CAPZA1: variants seen among roughly 807,000 people sequenced by gnomAD.
The protein encoded by CAPZA1 is F-actin-capping protein subunit alpha-1.
Under a neutral mutation model 40.8 loss-of-function variants are expected in CAPZA1, and 10 were observed. The observed-to-expected ratio is 0.25, with a 90% confidence interval of 0.15 to 0.42. CAPZA1 has a LOEUF of 0.42. CAPZA1 is among the 10% of genes least tolerant of loss of function. CAPZA1 has a pLI of 1.00. For synonymous variants in CAPZA1, 98 were observed against 115.0 expected, an observed-to-expected ratio of 0.85 and a Z score of 0.95; for missense variants, 277 against 353.8, an observed-to-expected ratio of 0.78 and a Z score of 1.74.
At chr1:112,642,804 T>C (rs1671198987) in intron 1 of CAPZA1, among the ~76,000 whole-genome samples, 1 of 152,208 alleles carries the variant, frequency 6.6e-6, no homozygotes, top group Admixed American at 6.5e-5. Context: ...TTTTGAAAAT[T>C]TGGGTGGGAC....
At chr1:112,669,891 C>G in intron 9 of CAPZA1, 101 bp from the exon 10 acceptor site, 5 of 1,288,978 alleles carry the variant, frequency 3.9e-6, no homozygotes, top group Non-Finnish European at 5.5e-6. Flanking sequence ...GTCTATCCTT[C>G]ACAGGGGACT....
chr1:112,624,360 G>A (rs1323046841), intron 1 of CAPZA1, among the ~76,000 whole-genome samples: 3 of 152,120 alleles, frequency 2.0e-5, no homozygotes, highest in Admixed American at 1.3e-4. Flanking sequence ...CGTAATCCCA[G>A]TACTTTGGGA....
At chr1:112,652,620 G>A (rs1441429604) in intron 3 of CAPZA1, among the ~76,000 whole-genome samples, 2 of 151,954 alleles carry the variant, frequency 1.3e-5, no homozygotes, top group Admixed American at 1.3e-4. Context: ...TGATGGTTGA[G>A]TTTTCACATG....
chr1:112,650,681 A>C (rs1432699875), intron 3 of CAPZA1, among the ~76,000 whole-genome samples: 1 of 152,212 alleles, frequency 6.6e-6, no homozygotes, highest in East Asian at 1.9e-4. Flanking sequence ...TATCCTTGAG[A>C]ACTACCCACA....
chr1:112,656,957 A>G (rs1412797634), intron 5 of CAPZA1, among the ~76,000 whole-genome samples: 1 of 149,432 alleles, frequency 6.7e-6, no homozygotes, highest in Non-Finnish European at 1.5e-5. Context: ...GCTGGAGTGC[A>G]ATGGTGTGGT....
chr1:112,646,134 A>G (rs540878744), intron 1 of CAPZA1, among the ~76,000 whole-genome samples: 3 of 152,350 alleles, frequency 2.0e-5, no homozygotes, highest in South Asian at 4.1e-4. Flanking sequence ...CATTTATAAT[A>G]GTATATCCAG....
chr1:112,627,005 GCTAA>G (rs1209743663), intron 1 of CAPZA1, among the ~76,000 whole-genome samples: 14 of 152,298 alleles, frequency 9.2e-5, no homozygotes, highest in African/African-American at 2.6e-4. Context: ...CTTCTTTTGT[GCTAA>G]CTATGTATTA....
chr1:112,667,211 A>T, intron 8 of CAPZA1, 66 bp downstream of exon 8: 2 of 1,173,772 alleles, frequency 1.7e-6, no homozygotes, highest in Non-Finnish European at 2.5e-6. Context: ...ATTAGTTTTG[A>T]TCCTGAGTGC....
intron 2 of CAPZA1, among the ~76,000 whole-genome samples, chr1:112,648,392 A>C (rs2101164740): frequency 8.3e-6 from 1 of 120,952 alleles, no homozygotes; most frequent in African/African-American, 3.3e-5. Context: ...CTTTGTTGCC[A>C]GTCTGGAGTG....
At chr1:112,636,925 A>G (rs945418743) in intron 1 of CAPZA1, among the ~76,000 whole-genome samples, 13 of 152,364 alleles carry the variant, frequency 8.5e-5, no homozygotes, top group Middle Eastern at 6.8e-3. Context: ...GTTAACTTTT[A>G]AACTTATTTA....
intron 1 of CAPZA1, among the ~76,000 whole-genome samples, chr1:112,638,932 A>ATATAGATATAGGTATAGG (rs766229774): frequency 5.1e-5 from 6 of 117,292 alleles, no homozygotes; most frequent in South Asian, 5.2e-4. Flanking sequence ...ATAGATATAG[A>ATATAGATATAGGTATAGG]TATAGGTATA....
At chr1:112,665,427 G>A (rs867953063) in intron 7 of CAPZA1, among the ~76,000 whole-genome samples, 3 of 151,996 alleles carry the variant, frequency 2.0e-5, no homozygotes, top group Admixed American at 6.6e-5. Context: ...TGATCCGCCC[G>A]CCTTGGCCTC....
At chr1:112,648,996 C>T (rs1671336094) in intron 2 of CAPZA1, among the ~76,000 whole-genome samples, 1 of 151,506 alleles carries the variant, frequency 6.6e-6, no homozygotes, top group Non-Finnish European at 1.5e-5. Context: ...ACTTCTGATA[C>T]ACAGCTTTTT....
chr1:112,670,046 C>T lies in CAPZA1; in HGVS notation c.775C>T (p.Arg259Cys). ...GTCAGATACCACATTCAAGGCCTTG[C>T]GCCGGCAGCTTCCAGTTACCCGCAC... ...TMSDTTFKAL[R>C]RQLPVTRTKI... The change falls in exon 10 of 10, where the codon CGC becomes TGC. Residue 259 changes from arginine (R) to cysteine (C), a missense_variant. Arg to Cys is a radical substitution (Grantham distance 180). Around this residue, in one of 2 missense-constraint regions of CAPZA1, gnomAD observed 192 missense variants for 277.2 expected, o/e 0.69. Transcript: ENST00000263168. 6.2e-7 allele frequency: 1 copy of T among 1,613,876 alleles called. No homozygotes were observed. The highest frequency in any genetic ancestry group is 8.5e-7 in the Non-Finnish European group (1 of 1,179,810).
intron 1 of CAPZA1, among the ~76,000 whole-genome samples, chr1:112,630,861 C>T (rs187561497): frequency 1.0e-3 from 155 of 152,294 alleles, no homozygotes; most frequent in African/African-American, 3.5e-3. Context: ...GTAAAGTATA[C>T]AGAGATTGGA....
chr1:112,669,723 AT>A (rs779667564), intron 9 of CAPZA1, 118 bp downstream of exon 9: 20 of 851,056 alleles, frequency 2.4e-5, no homozygotes, highest in Non-Finnish European at 3.6e-5. Flanking sequence ...GTTTTACTAA[AT>A]GTGGGAGACT....
In CAPZA1 at chr1:112,669,615, T is replaced by C; in HGVS notation, c.720+10T>C. 2 of 1,575,220 alleles carry C rather than the reference T, an allele frequency of 1.3e-6. No homozygotes were observed. Among genetic ancestry groups the C allele is most frequent in the South Asian group, 1.1e-5 (1 of 89,666 alleles). Reference sequence around the variant, plus strand: ...AGAAAATGAGTATCAGGTAAGAAGATTTGGAGTTAATTTTCCTAGATCTAC... The same window carrying C: ...AGAAAATGAGTATCAGGTAAGAAGACTTGGAGTTAATTTTCCTAGATCTAC... On this transcript the variant is annotated intron_variant, in intron 9 of 9. Coordinates refer to ENST00000263168, the MANE Select transcript of CAPZA1 (RefSeq NM_006135.3).
intron 7 of CAPZA1, among the ~76,000 whole-genome samples, chr1:112,662,642 C>T (rs1420427717): frequency 3.9e-5 from 6 of 151,918 alleles, no homozygotes; most frequent in South Asian, 2.1e-4. Context: ...TTGTGATCCG[C>T]CTCCCTCAGC....
rs193287417 is a variant in CAPZA1 at position 112,670,547 on chromosome 1, C to T, written c.*415C>T. 2.0e-4 allele frequency: 31 copies of T among 157,706 alleles called. No individual in the cohort carries two copies. The highest frequency in any genetic ancestry group is 1.9e-3 in the Admixed American group (30 of 15,632). 9.8% of individuals were successfully genotyped at this position (157,706 alleles called of 1,614,324 possible). ...TTCCAAGCACTTCTGGTACTTCAGT[C>T]GTTTTTACTGATCCACCAACACCTA... On this transcript the variant is annotated 3_prime_UTR_variant, in exon 10 of 10. Coordinates refer to ENST00000263168, the MANE Select transcript of CAPZA1 (RefSeq NM_006135.3).
Sources: gnomAD v4.1 joint callset for allele counts (sites outside exome capture counted in the v4.1 genomes callset) on GRCh38, gnomAD v4.1.1 for gene constraint, gnomAD v4.1.1 regional missense constraint, MANE v1.5 for transcripts, NCBI Gene and HGNC (gene_info 2026-07-23, HGNC 2026-07-21) for gene names.